ACSM2A: variants seen among roughly 807,000 people sequenced by gnomAD.
The protein encoded by ACSM2A is acyl-coenzyme A synthetase ACSM2A, mitochondrial.
ACSM2A carries 72 observed loss-of-function variants against 76.6 expected under a neutral mutation model. The ratio of observed to expected loss-of-function variants is 0.94; its 90% confidence interval spans 0.78 to 1.14. The LOEUF (loss-of-function observed/expected upper bound fraction) is 1.14, where lower values mean the gene tolerates loss of function less well. Ranked by LOEUF, ACSM2A falls within the 50% of genes most tolerant of loss-of-function variation. The pLI is 0.00. For missense variants in ACSM2A, 684 were observed against 708.5 expected, an observed-to-expected ratio of 0.97 and a Z score of 0.39; for synonymous variants, 249 against 255.9, an observed-to-expected ratio of 0.97 and a Z score of 0.26.
At chr16:20,485,513 T>A (rs2014336260) in intron 13 of ACSM2A, among the ~76,000 whole-genome samples, 3 of 152,254 alleles carry the variant, frequency 2.0e-5, no homozygotes, top group Admixed American at 1.3e-4. Context: ...TATTTTAGGC[T>A]ATGTGGTCTT....
chr16:20,478,838 G>T (rs1240389436), intron 10 of ACSM2A, among the ~76,000 whole-genome samples, 161 bp downstream of exon 10: 1 of 152,194 alleles, frequency 6.6e-6, no homozygotes, highest in Non-Finnish European at 1.5e-5. Context: ...GAAGAAAAGT[G>T]GCTATTCAGC....
chr16:20,461,278 C>T (rs1292399223), intron 2 of ACSM2A, among the ~76,000 whole-genome samples: 4 of 149,544 alleles, frequency 2.7e-5, no homozygotes, highest in Non-Finnish European at 5.9e-5. Context: ...TGAAGACGGC[C>T]CTAGGTGTGG....
intron 3 of ACSM2A, among the ~76,000 whole-genome samples, chr16:20,466,921 T>A (rs1455596943): frequency 4.6e-5 from 7 of 152,194 alleles, no homozygotes; most frequent in African/African-American, 1.7e-4. Flanking sequence ...CTAAAGGCAG[T>A]TTCAATCTCC....
chr16:20,462,633 A>G (rs964866285), intron 2 of ACSM2A, among the ~76,000 whole-genome samples: 2 of 152,104 alleles, frequency 1.3e-5, no homozygotes, highest in South Asian at 2.1e-4. Flanking sequence ...TGATCTGAGA[A>G]CCCCTGAGGA....
rs1288655955 is a variant in ACSM2A, at chr16:20,487,213, A to C, written c.*535A>C. 1.3e-5 allele frequency: 2 copies of C among 152,226 alleles called. No individual in the cohort carries two copies. The highest frequency in any genetic ancestry group is 2.9e-5 in the Non-Finnish European group (2 of 68,094). 9.4% of individuals were successfully genotyped at this position (152,226 alleles called of 1,614,324 possible). On this transcript the variant is annotated 3_prime_UTR_variant, in exon 14 of 14. Transcript: ENST00000573854. ...ATAAAAATAGTAAAAGAAACTGATA[A>C]AGAAAAGTAATGGAAGACAGGAAGA...
intron 8 of ACSM2A, 130 bp downstream of exon 8, chr16:20,475,903 G>A: frequency 6.5e-7 from 1 of 1,529,598 alleles, no homozygotes; most frequent in Admixed American, 2.1e-5. Flanking sequence ...CCTCTATGAA[G>A]GGACAGGTAC....
intron 12 of ACSM2A, 63 bp downstream of exon 12, chr16:20,480,984 G>T (rs1239926088): frequency 5.6e-6 from 9 of 1,598,668 alleles, no homozygotes; most frequent in Non-Finnish European, 2.6e-6. Context: ...GTAGTATGAT[G>T]GTTTAAGAAC....
At position 20,483,003 on chromosome 16, in the gene ACSM2A, C is replaced by G. The variant is rs529365368; in HGVS notation, c.1510-55C>G. The G allele has an allele frequency of 2.5e-5, 40 of 1,591,278 alleles. No individual in the cohort carries two copies. The South Asian group carries it at 4.2e-4, about 17-fold the overall frequency. On this transcript the variant is annotated intron_variant, in intron 12 of 13. Coordinates refer to ENST00000573854, the MANE Select transcript of ACSM2A (RefSeq NM_001308172.2). The stretch of plus-strand genomic sequence containing the variant: ...TCTTAATGCCAATTTCACATTATTC[C>G]AGGAGATGACTACACACTCTAATCC...
chr16:20,454,978 G>A (rs1043363078), intron 1 of ACSM2A, among the ~76,000 whole-genome samples: 5 of 151,076 alleles, frequency 3.3e-5, no homozygotes, highest in Admixed American at 3.3e-4. Context: ...ATAACTTTAG[G>A]AAATAAAGAA....
At chr16:20,479,872 T>A (rs1214876347) in intron 10 of ACSM2A, among the ~76,000 whole-genome samples, 3 of 152,220 alleles carry the variant, frequency 2.0e-5, no homozygotes, top group African/African-American at 7.2e-5. Flanking sequence ...CTGTAATGGC[T>A]GTTTAGCTTC....
chr16:20,465,667 G>A lies in ACSM2A; in HGVS notation c.328G>A (p.Ala110Thr), dbSNP rs774111629. The A allele has an allele frequency of 1.2e-6, 2 of 1,614,010 alleles. No homozygotes were observed. Among genetic ancestry groups the A allele is most frequent in the Non-Finnish European group, 1.7e-6 (2 of 1,179,866 alleles). The change falls in exon 3 of 14, where the codon GCA becomes ACA. Residue 110 changes from alanine (A) to threonine (T), a missense_variant. Ala to Thr is a moderately conservative substitution (Grantham distance 58). This residue lies in a region of ACSM2A where 519 missense variants were observed against 549.5 expected (regional missense o/e 0.94). Coordinates refer to ENST00000573854, the MANE Select transcript of ACSM2A (RefSeq NM_001308172.2). Reference sequence around the variant, plus strand: ...TGGCCTGCAGCGTGGGGATCGTGTGGCAGTGGTGCTGCCCCGAGTGCCTGA... The same window carrying A: ...TGGCCTGCAGCGTGGGGATCGTGTGACAGTGGTGCTGCCCCGAGTGCCTGA... ...ACGLQRGDRV[A>T]VVLPRVPEWW...
At chr16:20,476,339 C>T (rs901695549) in intron 8 of ACSM2A, 68 of 979,628 alleles carry the variant, frequency 6.9e-5, no homozygotes, top group Non-Finnish European at 8.1e-5. Context: ...GAATACTTTT[C>T]CCCAACTCTT....
chr16:20,466,715 G>A (rs542749618), intron 3 of ACSM2A, among the ~76,000 whole-genome samples: 9 of 152,306 alleles, frequency 5.9e-5, no homozygotes, highest in African/African-American at 1.7e-4. Context: ...TAGTTTCTTG[G>A]TATCAGTTAC....
At chr16:20,463,093 AG>A (rs1316056878) in intron 2 of ACSM2A, among the ~76,000 whole-genome samples, 1 of 73,420 alleles carries the variant, frequency 1.4e-5, no homozygotes, top group Non-Finnish European at 2.5e-5. Flanking sequence ...GGGTGGGGGG[AG>A]GGGGGAGGGA....
intron 1 of ACSM2A, among the ~76,000 whole-genome samples, chr16:20,458,913 T>TA (rs1179656098): frequency 5.0e-4 from 30 of 59,618 alleles, no homozygotes; most frequent in African/African-American, 1.2e-3. Context: ...TGCATATATA[T>TA]ATATATATAT....
intron 1 of ACSM2A, among the ~76,000 whole-genome samples, chr16:20,457,833 A>T (rs2012284216): frequency 6.6e-6 from 1 of 152,064 alleles, no homozygotes; most frequent in Non-Finnish European, 1.5e-5. Flanking sequence ...AGACAAGAGA[A>T]AGAAATAAAT....
rs144468742 is a variant in ACSM2A at position 20,486,622 on chromosome 16, C to G, written c.1678C>G (p.Arg560Gly). Residue 560 changes from arginine (R) to glycine (G), a missense_variant, in exon 14 of 14, where the codon CGA becomes GGA. Arg to Gly is a moderately radical substitution (Grantham distance 125). Around this residue, in one of 3 missense-constraint regions of ACSM2A, gnomAD observed 159 missense variants for 132.5 expected, o/e 1.20. Coordinates refer to ENST00000573854, the MANE Select transcript of ACSM2A (RefSeq NM_001308172.2). ...LPKTVTGKIQ[R>G]AKLRDKEWKM... ...CAAGACTGTCACAGGGAAAATTCAACGAGCCAAGCTTCGAGACAAGGAGTG... is the reference window on the plus strand; with the variant it reads ...CAAGACTGTCACAGGGAAAATTCAAGGAGCCAAGCTTCGAGACAAGGAGTG... 6.2e-7 allele frequency: 1 copy of G among 1,614,140 alleles called. No homozygotes were observed. Among genetic ancestry groups the G allele is most frequent in the Non-Finnish European group, 8.5e-7 (1 of 1,180,012 alleles).
intron 2 of ACSM2A, among the ~76,000 whole-genome samples, chr16:20,462,379 G>T (rs1417687115): frequency 7.2e-5 from 11 of 152,148 alleles, no homozygotes; most frequent in African/African-American, 2.7e-4. Context: ...AGAGACTGTT[G>T]TCATCCTTGC....
At position 20,475,700 on chromosome 16, in the gene ACSM2A, T is replaced by C; in HGVS notation, c.1025T>C (p.Leu342Pro). The C allele has an allele frequency of 1.9e-6, 3 of 1,614,030 alleles. No individual in the cohort carries two copies. Among genetic ancestry groups the C allele is most frequent in the East Asian group, 2.2e-5 (1 of 44,882 alleles). Residue 342 changes from leucine to proline, a missense_variant, in exon 8 of 14, where the codon CTT becomes CCT. By Grantham distance (98) the Leu-to-Pro change is moderately conservative (BLOSUM62 -3). This residue lies in a region of ACSM2A where 519 missense variants were observed against 549.5 expected (regional missense o/e 0.94). Coordinates refer to ENST00000573854, the MANE Select transcript of ACSM2A (RefSeq NM_001308172.2). ...TGCGTCACTGTAGGGGAGTCCCTTC[T>C]TCCAGAAACTCTGGAGAACTGGAGG... The part of the protein sequence containing the change: ...QNCVTVGESL[L>P]PETLENWRAQ...
Sources: allele counts gnomAD v4.1 joint callset (sites outside exome capture counted in the v4.1 genomes callset), GRCh38; gene constraint gnomAD v4.1.1; regional missense constraint gnomAD v4.1.1; transcripts MANE v1.5; gene names NCBI Gene and HGNC (gene_info 2026-07-23, HGNC 2026-07-21).